BNC2: variants seen among roughly 807,000 people sequenced by gnomAD.
BNC2 encodes the protein zinc finger protein basonuclin-2.
BNC2 carries 20 observed loss-of-function variants against 76.3 expected under a neutral mutation model. The ratio of observed to expected loss-of-function variants is 0.26; its 90% CI spans 0.18 to 0.38. The LOEUF (loss-of-function observed/expected upper bound fraction) is 0.38. BNC2 is among the 10% of genes least tolerant of loss of function. The pLI is 1.00. For missense variants in BNC2, 1,382 were observed against 1,399.8 expected, an observed-to-expected ratio of 0.99 and a Z score of 0.20; for synonymous variants, 582 against 514.8, an observed-to-expected ratio of 1.13 and a Z score of -1.77.
At chr9:16,525,082 G>C (rs1486342351) in intron 5 of BNC2, among the ~76,000 whole-genome samples, 1 of 143,308 alleles carries the variant, frequency 7.0e-6, no homozygotes, top group East Asian at 2.1e-4. Flanking sequence ...GGGGAGGGGG[G>C]GGGAAGGAGA....
At chr9:16,811,457 C>T (rs1818050730) in intron 1 of BNC2, among the ~76,000 whole-genome samples, 1 of 142,698 alleles carries the variant, frequency 7.0e-6, no homozygotes, top group Admixed American at 7.6e-5. Context: ...GAGGCTGAGG[C>T]AGGAGAATCA....
At chr9:16,625,356 A>G (rs1820964549) in intron 3 of BNC2, among the ~76,000 whole-genome samples, 1 of 152,080 alleles carries the variant, frequency 6.6e-6, no homozygotes, top group Admixed American at 6.5e-5. Flanking sequence ...CCCAACTGGC[A>G]GGGCCACCTG....
rs532856885 is a variant in BNC2 at position 16,755,290 on chromosome 9, G to A, written c.4-16805C>T. ...GAAAACAGTCCACAGGAGACCCAGG[G>A]GACTGAAGAGAATGCATAATCAGTG... On this transcript the variant is annotated intron_variant, in intron 1 of 6. Coordinates refer to ENST00000380672, the MANE Select transcript of BNC2 (RefSeq NM_017637.6). Among the ~76,000 whole-genome samples, 53 of 152,210 alleles carry A rather than the reference G, an allele frequency of 3.5e-4. No homozygotes were observed. In the South Asian group the frequency reaches 8.9e-3, roughly 26 times the overall value.
intron 1 of BNC2, among the ~76,000 whole-genome samples, chr9:16,837,522 A>C (rs1006068317): frequency 3.3e-5 from 5 of 152,108 alleles, no homozygotes; most frequent in African/African-American, 1.2e-4. Context: ...AAAAGAAAGA[A>C]AACCATAATT....
chr9:16,637,035 A>G (rs1376913017), intron 3 of BNC2, among the ~76,000 whole-genome samples: 1 of 152,046 alleles, frequency 6.6e-6, no homozygotes, highest in Non-Finnish European at 1.5e-5. Context: ...TGGTTCAAAG[A>G]CAACTGCTCT....
chr9:16,839,516 A>G (rs1024403489), intron 1 of BNC2, among the ~76,000 whole-genome samples: 5 of 152,202 alleles, frequency 3.3e-5, no homozygotes, highest in African/African-American at 7.2e-5. Context: ...ATGATTACCT[A>G]TCTGAAAGGA....
intron 5 of BNC2, among the ~76,000 whole-genome samples, chr9:16,524,242 GA>G (rs1261412993): frequency 1.3e-5 from 2 of 152,202 alleles, no homozygotes; most frequent in African/African-American, 2.4e-5. Context: ...AATGACTGAT[GA>G]AACTGTAATG....
chr9:16,795,046 A>C (rs1031519187), intron 1 of BNC2, among the ~76,000 whole-genome samples: 33 of 152,282 alleles, frequency 2.2e-4, no homozygotes, highest in African/African-American at 7.9e-4. Flanking sequence ...TTCACTCACT[A>C]TCCAGTCCAA....
chr9:16,679,406 G>A (rs545335815), intron 3 of BNC2, among the ~76,000 whole-genome samples: 6 of 152,176 alleles, frequency 3.9e-5, no homozygotes, highest in Non-Finnish European at 7.3e-5. Flanking sequence ...TTCATTTACA[G>A]TATCTGTTTC....
intron 3 of BNC2, among the ~76,000 whole-genome samples, chr9:16,591,716 A>G (rs1819935113): frequency 6.6e-6 from 1 of 152,222 alleles, no homozygotes; most frequent in Non-Finnish European, 1.5e-5. Context: ...AATGAGAAAC[A>G]ATGAAGTTAT....
chr9:16,419,039 T>C lies in BNC2; in HGVS notation c.3250A>G (p.Ser1084Gly), dbSNP rs1268895523. Residue 1084 changes from serine to glycine, a missense_variant, in exon 7 of 7, where the codon AGT becomes GGT. By Grantham distance (56) the Ser-to-Gly change is moderately conservative. This residue lies in a region of BNC2 where 798 missense variants were observed against 775.5 expected (regional missense o/e 1.03). Transcript: ENST00000380672. ...FSSVRSRNRH[S>G]QNPNLHKNIP... ...TTTTTGTGGAGATTAGGGTTCTGAC[T>C]GTGCCGATTTCGGCTTCGTACAGAG... 1 of 1,614,192 alleles carries C rather than the reference T, an allele frequency of 6.2e-7. No individual in the cohort carries two copies. Among genetic ancestry groups the C allele is most frequent in the East Asian group, 2.2e-5 (1 of 44,840 alleles).
intron 3 of BNC2, among the ~76,000 whole-genome samples, chr9:16,640,465 A>G (rs968533469): frequency 2.6e-5 from 4 of 152,228 alleles, no homozygotes; most frequent in African/African-American, 9.6e-5. Flanking sequence ...ATTATTAACT[A>G]CTAGTTTTCA....
intron 5 of BNC2, among the ~76,000 whole-genome samples, chr9:16,479,753 C>T (rs1180414543): frequency 1.3e-5 from 2 of 150,034 alleles, no homozygotes; most frequent in African/African-American, 5.0e-5. Context: ...TATAATTTTG[C>T]TTGCATTTAA....
chr9:16,829,636 G>C (rs1818535343), intron 1 of BNC2, among the ~76,000 whole-genome samples: 1 of 152,180 alleles, frequency 6.6e-6, no homozygotes, highest in South Asian at 2.1e-4. Flanking sequence ...TCTATGCCCA[G>C]TGCTAACATT....
chr9:16,765,266 G>A (rs1193148249), intron 1 of BNC2, among the ~76,000 whole-genome samples: 5 of 152,070 alleles, frequency 3.3e-5, no homozygotes, highest in African/African-American at 1.2e-4. Flanking sequence ...GTAATTTTAT[G>A]AATTGAAAAT....
At chr9:16,748,922 C>CTATATATATATATATATATA (rs34314862) in intron 1 of BNC2, among the ~76,000 whole-genome samples, 19 of 130,566 alleles carry the variant, frequency 1.5e-4, no homozygotes, top group African/African-American at 5.6e-4. Context: ...ACTTTTTATA[C>CTATATATATATATATATATA]TATATATATA....
chr9:16,423,722 G>A (rs1015655770), intron 6 of BNC2, among the ~76,000 whole-genome samples: 6 of 152,102 alleles, frequency 3.9e-5, no homozygotes, highest in African/African-American at 7.2e-5. Flanking sequence ...CAAAACAAAC[G>A]GTGATCCTGA....
At chr9:16,695,535 C>CT (rs35589107) in intron 3 of BNC2, among the ~76,000 whole-genome samples, 1,381 of 127,000 alleles carry the variant, frequency 0.011, 19 homozygotes, top group African/African-American at 0.023. Flanking sequence ...CTTTTTCTTT[C>CT]TTTTTTTTTT....
chr9:16,436,031 G>C lies in BNC2; in HGVS notation c.2163C>G (p.Asp721Glu), dbSNP rs181340855. ...CCGAAGACTCAGACTCGTTCTCATA[G>C]TCCCGCTCAGGTTCTTGGTCTTCAG... ...MTSEDQEPER[D>E]YENESESSEP... Residue 721 changes from aspartate (D) to glutamate (E), a missense_variant, in exon 6 of 7, where the codon GAC (aspartate) becomes GAG (glutamate). By Grantham distance (45) the Asp-to-Glu change is conservative. Transcript: ENST00000380672. The C allele has an allele frequency of 6.8e-6, 11 of 1,614,136 alleles. No individual in the cohort carries two copies. In the Admixed American group the frequency reaches 1.2e-4, roughly 17 times the overall value.
Sources: gnomAD v4.1 joint callset for allele counts (sites outside exome capture counted in the v4.1 genomes callset) on GRCh38, gnomAD v4.1.1 for gene constraint, gnomAD v4.1.1 regional missense constraint, MANE v1.5 for transcripts, NCBI Gene and HGNC (gene_info 2026-07-23, HGNC 2026-07-21) for gene names.